Variants in DNER observed in about 807,000 individuals in gnomAD.
DNER encodes the protein delta/notch like EGF repeat containing.
Under a neutral mutation model 78.2 loss-of-function variants are expected in DNER, and 33 were observed. The ratio of observed to expected loss-of-function variants is 0.42; its 90% confidence interval spans 0.32 to 0.56. The LOEUF is 0.56. Ranked by LOEUF, DNER falls within the 20% of genes least tolerant of loss-of-function variation. The probability of loss-of-function intolerance (pLI) is 0.11; values close to 1 mark genes in which losing one functional copy is unlikely to be tolerated. For synonymous variants in DNER, 417 were observed against 384.8 expected (o/e 1.08, Z -0.98); for missense variants, 918 against 975.3 (o/e 0.94, Z 0.78).
At chr2:229,496,738 A>T (rs2154211839) in intron 6 of DNER, among the ~76,000 whole-genome samples, 1 of 152,326 alleles carries the variant, frequency 6.6e-6, no homozygotes. Flanking sequence ...AAAGGGGTCA[A>T]TTCAATAAGA....
intron 4 of DNER, among the ~76,000 whole-genome samples, chr2:229,569,703 G>T (rs1189913040): frequency 6.6e-6 from 1 of 151,708 alleles, no homozygotes; most frequent in Non-Finnish European, 1.5e-5. Context: ...TTTTTTATTT[G>T]TATTATTTTT....
intron 1 of DNER, chr2:229,702,115 T>C: frequency 5.9e-6 from 1 of 170,740 alleles, no homozygotes; most frequent in Non-Finnish European, 1.3e-5. Context: ...TCTGAGTGTC[T>C]TCAGGCCAGC....
chr2:229,512,565 G>A (rs184021791), intron 6 of DNER, among the ~76,000 whole-genome samples: 1 of 152,176 alleles, frequency 6.6e-6, no homozygotes, highest in Admixed American at 6.5e-5. Flanking sequence ...GGGACTCAGG[G>A]GGAAGGGTGA....
intron 1 of DNER, among the ~76,000 whole-genome samples, chr2:229,694,017 C>T (rs981041711): frequency 6.6e-6 from 1 of 152,230 alleles, no homozygotes; most frequent in East Asian, 1.9e-4. Context: ...AGGGCCACCC[C>T]ACTCTTTGCA....
chr2:229,380,342 G>C (rs1192653800), intron 11 of DNER, among the ~76,000 whole-genome samples: 4 of 152,154 alleles, frequency 2.6e-5, no homozygotes, highest in Non-Finnish European at 5.9e-5. Context: ...CAGACAGACA[G>C]GCAGAAGCAG....
At chr2:229,688,277 C>A (rs1172078307) in intron 1 of DNER, among the ~76,000 whole-genome samples, 4 of 152,198 alleles carry the variant, frequency 2.6e-5, no homozygotes, top group African/African-American at 9.6e-5. Context: ...TCCTGCCTAT[C>A]CCAGACTTCT....
intron 1 of DNER, among the ~76,000 whole-genome samples, chr2:229,695,013 T>C (rs764044645): frequency 3.9e-5 from 6 of 152,190 alleles, no homozygotes; most frequent in Non-Finnish European, 8.8e-5. Context: ...CCCCTGCTGC[T>C]CTTTTCATGA....
intron 6 of DNER, 74 bp from the exon 7 acceptor site, chr2:229,477,327 G>T (rs903491910): frequency 6.7e-6 from 7 of 1,039,586 alleles, no homozygotes; most frequent in Non-Finnish European, 9.9e-6. Context: ...AGGAATTGAT[G>T]GATTCAACTG....
At chr2:229,595,213 T>G (rs1248472882) in intron 1 of DNER, among the ~76,000 whole-genome samples, 1 of 152,210 alleles carries the variant, frequency 6.6e-6, no homozygotes, top group African/African-American at 2.4e-5. Context: ...TATTCTATTT[T>G]ACAGTTGAGG....
At chr2:229,576,705 A>T (rs1204803389) in intron 4 of DNER, among the ~76,000 whole-genome samples, 1 of 152,212 alleles carries the variant, frequency 6.6e-6, no homozygotes, top group Non-Finnish European at 1.5e-5. Flanking sequence ...TGTCAATGTG[A>T]TTAGCAGAAA....
At chr2:229,656,149 G>C (rs1236880835) in intron 1 of DNER, among the ~76,000 whole-genome samples, 3 of 152,134 alleles carry the variant, frequency 2.0e-5, no homozygotes, top group Non-Finnish European at 4.4e-5. Context: ...ACAGGCACCT[G>C]AGCCATTAAT....
At chr2:229,570,695 T>C (rs895966633) in intron 4 of DNER, among the ~76,000 whole-genome samples, 2 of 149,678 alleles carry the variant, frequency 1.3e-5, no homozygotes, top group Non-Finnish European at 3.0e-5. Context: ...ATGTGGAGTA[T>C]GAGGGGCACG....
chr2:229,533,660 G>A lies in DNER; in HGVS notation c.993+13287C>T, dbSNP rs147023622. Among the ~76,000 whole-genome samples, 242 of 152,168 alleles carry A rather than the reference G, an allele frequency of 1.6e-3. 3 individuals are homozygous for A. The highest frequency in any genetic ancestry group is 9.1e-3 in the East Asian group (47 of 5,170). On this transcript the variant is annotated intron_variant, in intron 5 of 12. Coordinates refer to ENST00000341772, the MANE Select transcript of DNER (RefSeq NM_139072.4). ...CTCAAGGAAGTGCACTTGGGCCATC[G>A]TTCACCGTGACCTGAGGTCGTCCAT...
chr2:229,523,364 G>A (rs989990864), intron 5 of DNER, among the ~76,000 whole-genome samples: 2 of 152,176 alleles, frequency 1.3e-5, no homozygotes, highest in Non-Finnish European at 2.9e-5. Flanking sequence ...TCATCGCTCT[G>A]GAGGTTACAC....
chr2:229,683,644 ATGG>A (rs1434926420), intron 1 of DNER, among the ~76,000 whole-genome samples: 6 of 152,312 alleles, frequency 3.9e-5, no homozygotes, highest in East Asian at 1.9e-4. Context: ...GATGATGATG[ATGG>A]TGGTGATGAT....
intron 9 of DNER, among the ~76,000 whole-genome samples, chr2:229,408,251 T>C (rs6759486): frequency 0.065 from 9,941 of 152,298 alleles, 822 homozygotes; most frequent in African/African-American, 0.2. Context: ...TTCACATCTG[T>C]GTATTTCTAC....
At position 229,588,441 on chromosome 2, in the gene DNER, C is replaced by T. The variant is rs200771367; in HGVS notation, c.633G>A (p.Ala211=). The change falls in exon 3 of 13, where the codon GCG becomes GCA. Residue 211 remains alanine (A), a synonymous_variant. Transcript: ENST00000341772. ...ACGNASSNSS[A]GGRLVSFEVP... ...CTTCAAAGGATACCAGGCGGCCACC[C>T]GCAGAGCTGTTAGAACTGGCATTCC... The T allele has an allele frequency of 5.9e-5, 95 of 1,607,412 alleles. No individual in the cohort carries two copies. Among genetic ancestry groups the T allele is most frequent in the East Asian group, 2.5e-4 (11 of 44,206 alleles).
chr2:229,517,277 C>T lies in DNER; in HGVS notation c.994-4341G>A, dbSNP rs192897146. ...GAGGGTCACAGAAGTGAACAAGACC[C>T]TCTCCTGGGGTTTATATTCTAGTAG... On this transcript the variant is annotated intron_variant, in intron 5 of 12. Coordinates refer to ENST00000341772, the MANE Select transcript of DNER (RefSeq NM_139072.4). 6.6e-4 allele frequency among the ~76,000 whole-genome samples: 101 copies of T among 152,258 alleles called. 2 individuals are homozygous for T. In the South Asian group the frequency reaches 9.3e-3, roughly 14 times the overall value.
intron 7 of DNER, among the ~76,000 whole-genome samples, chr2:229,469,695 C>A (rs1694882649): frequency 6.6e-6 from 1 of 152,180 alleles, no homozygotes; most frequent in Non-Finnish European, 1.5e-5. Flanking sequence ...GTAATCCCAA[C>A]ACTTTGGCAG....
Sources: allele counts gnomAD v4.1 joint callset (sites outside exome capture counted in the v4.1 genomes callset), GRCh38; gene constraint gnomAD v4.1.1; transcripts MANE v1.5; gene names NCBI Gene and HGNC (gene_info 2026-07-23, HGNC 2026-07-21).